The following PPARD variants were observed in gnomAD, a reference collection of about 807,000 sequenced individuals.
PPARD encodes peroxisome proliferator-activated receptor delta.
In PPARD, 6 loss-of-function variants were observed where a neutral mutation model predicts 39.5. That is an observed-to-expected ratio of 0.15 (90% confidence interval 0.08 to 0.30). The LOEUF (loss-of-function observed/expected upper bound fraction) is 0.30, where lower values mean the gene tolerates loss of function less well. Ranked by LOEUF, PPARD falls within the 10% of genes least tolerant of loss-of-function variation. The pLI is 1.00. For synonymous variants in PPARD, 210 were observed against 231.3 expected, an observed-to-expected ratio of 0.91 and a Z score of 0.83; for missense variants, 397 against 596.8, an observed-to-expected ratio of 0.67 and a Z score of 3.49.
intron 2 of PPARD, among the ~76,000 whole-genome samples, chr6:35,396,488 G>A (rs1764324805): frequency 1.4e-5 from 2 of 146,124 alleles, no homozygotes; most frequent in African/African-American, 5.1e-5. Flanking sequence ...ACAGGCGTGA[G>A]CCACCGCGCC....
At chr6:35,391,963 T>C (rs542912648) in intron 2 of PPARD, among the ~76,000 whole-genome samples, 1 of 152,150 alleles carries the variant, frequency 6.6e-6, no homozygotes, top group South Asian at 2.1e-4. Context: ...CTGGTTGTTA[T>C]GATTGTGGCA....
chr6:35,343,576 A>G (rs1791989244), intron 1 of PPARD, among the ~76,000 whole-genome samples: 1 of 152,222 alleles, frequency 6.6e-6, no homozygotes, highest in Non-Finnish European at 1.5e-5. Flanking sequence ...TAAGAGGCTG[A>G]TTGACTAAAG....
At position 35,425,817 on chromosome 6, in the gene PPARD, C is replaced by T. The variant is rs781269185; in HGVS notation, c.1079-15C>T. The T allele has an allele frequency of 1.2e-6, 2 of 1,613,070 alleles. No individual in the cohort carries two copies. Among genetic ancestry groups the T allele is most frequent in the Admixed American group, 3.3e-5 (2 of 60,008 alleles). On this transcript the variant is annotated splice_polypyrimidine_tract_variant and intron_variant, in intron 7 of 7. Coordinates refer to ENST00000360694, the MANE Select transcript of PPARD (RefSeq NM_006238.5). This position sits in a 1 kb window ranked among gnomAD's most constrained non-coding sequence, Gnocchi z 4.5. ...TGCCTTTCTGAGCTCCCTGGCGTGC[C>T]CTGTGTCCCCACAGACCGGCCAGGC...
intron 2 of PPARD, among the ~76,000 whole-genome samples, chr6:35,394,774 G>A (rs897519608): frequency 2.9e-4 from 40 of 138,298 alleles, no homozygotes; most frequent in Middle Eastern, 3.7e-3. Context: ...CTGTCTCCCC[G>A]CCCCCCCCAC....
At position 35,412,545 on chromosome 6, in the gene PPARD, C is replaced by T. The variant is rs1044492858; in HGVS notation, c.130+1328C>T. On this transcript the variant is annotated intron_variant, in intron 3 of 7. Transcript: ENST00000360694. The surrounding 1 kb of genome is among the most constrained non-coding windows in gnomAD (Gnocchi z 4.1). ...GAAGGCTGTGGAGGTAGCGCAGGCTCCTGTTTGGGTCTGCAGCTAAGATGG... is the reference window on the plus strand; with the variant it reads ...GAAGGCTGTGGAGGTAGCGCAGGCTTCTGTTTGGGTCTGCAGCTAAGATGG... 2.6e-5 allele frequency among the ~76,000 whole-genome samples: 4 copies of T among 152,204 alleles called. No homozygotes were observed. Among genetic ancestry groups the T allele is most frequent in the African/African-American group, 4.8e-5 (2 of 41,440 alleles).
chr6:35,406,146 G>A (rs1765035739), intron 2 of PPARD, among the ~76,000 whole-genome samples: 1 of 152,080 alleles, frequency 6.6e-6, no homozygotes, highest in Non-Finnish European at 1.5e-5. Flanking sequence ...GGCTGGTCTC[G>A]AACTCCTAGC....
chr6:35,392,915 G>A lies in PPARD; in HGVS notation c.-101-18072G>A, dbSNP rs192031888. 2.7e-3 allele frequency among the ~76,000 whole-genome samples: 414 copies of A among 152,288 alleles called. 2 individuals carry two copies. The highest frequency in any genetic ancestry group is 9.5e-3 in the African/African-American group (393 of 41,538). Reference sequence around the variant, plus strand: ...TACCCTGGTGTCCTTCCCCAGAGCAGTTGTTTTGGGAAAAACTGGCTCCGG... The same window carrying A: ...TACCCTGGTGTCCTTCCCCAGAGCAATTGTTTTGGGAAAAACTGGCTCCGG... On this transcript the variant is annotated intron_variant, in intron 2 of 7. Coordinates refer to ENST00000360694, the MANE Select transcript of PPARD (RefSeq NM_006238.5).
chr6:35,397,927 A>G (rs983457490), intron 2 of PPARD, among the ~76,000 whole-genome samples: 4 of 152,142 alleles, frequency 2.6e-5, no homozygotes, highest in Non-Finnish European at 5.9e-5. Flanking sequence ...GAGGTGGGTA[A>G]CTGGGGAGGG....
chr6:35,406,893 T>C (rs1765089481), intron 2 of PPARD, among the ~76,000 whole-genome samples: 1 of 152,238 alleles, frequency 6.6e-6, no homozygotes, highest in African/African-American at 2.4e-5. Context: ...AGTCCTGCTG[T>C]GTCCGAAGCT....
At chr6:35,409,801 G>A (rs1352096171) in intron 2 of PPARD, among the ~76,000 whole-genome samples, 1 of 152,130 alleles carries the variant, frequency 6.6e-6, no homozygotes, top group East Asian at 1.9e-4. Flanking sequence ...AACATGTTTT[G>A]TACAAACTTG....
At chr6:35,370,241 C>T (rs532460480) in intron 2 of PPARD, among the ~76,000 whole-genome samples, 12 of 152,264 alleles carry the variant, frequency 7.9e-5, no homozygotes, top group Admixed American at 2.0e-4. Context: ...TGTGTGGGAG[C>T]TCTAGCTGCC....
intron 2 of PPARD, among the ~76,000 whole-genome samples, chr6:35,380,506 TGAGACAAGGTC>T: frequency 9.1e-6 from 1 of 109,476 alleles, no homozygotes; most frequent in African/African-American, 3.8e-5. Flanking sequence ...TTTTTTTTTT[TGAGACAAGGTC>T]TTACTTTGTC....
At chr6:35,370,983 C>T (rs1392821448) in intron 2 of PPARD, among the ~76,000 whole-genome samples, 3 of 152,192 alleles carry the variant, frequency 2.0e-5, no homozygotes, top group Non-Finnish European at 2.9e-5. Context: ...GGGTTTCTTC[C>T]AGGCCTTCCC....
chr6:35,415,215 T>G (rs887211020), intron 3 of PPARD, among the ~76,000 whole-genome samples: 3 of 152,334 alleles, frequency 2.0e-5, no homozygotes, highest in Middle Eastern at 6.8e-3. Flanking sequence ...GCTGAGTGCC[T>G]GTCCCAAGGA....
intron 2 of PPARD, among the ~76,000 whole-genome samples, chr6:35,374,520 T>C (rs1490424966): frequency 6.6e-6 from 1 of 151,758 alleles, no homozygotes; most frequent in Admixed American, 6.6e-5. Context: ...TAGCCGGGCA[T>C]GGTGGCAGGC....
At chr6:35,404,692 G>T (rs1455566731) in intron 2 of PPARD, among the ~76,000 whole-genome samples, 1 of 152,216 alleles carries the variant, frequency 6.6e-6, no homozygotes, top group Non-Finnish European at 1.5e-5. Context: ...AGACGGGGAA[G>T]GGAGACAACT....
intron 2 of PPARD, among the ~76,000 whole-genome samples, chr6:35,358,208 A>G (rs115780357): frequency 0.011 from 1,695 of 152,280 alleles, 40 homozygotes; most frequent in African/African-American, 0.038. Flanking sequence ...CAATGTGACT[A>G]CTGCAGCAAG....
At position 35,421,849 on chromosome 6, in the gene PPARD, G is replaced by A; in HGVS notation, c.315G>A (p.Lys105=). The part of the protein sequence containing the change: ...KGFFRRTIRM[K]LEYEKCERSC... ...TCTTCCGTCGTACGATCCGCATGAA[G>A]CTGGAGTACGAGAAGTGTGAGCGCA... The change falls in exon 5 of 8, where the codon AAG becomes AAA. Residue 105 remains lysine, a synonymous_variant. Transcript: ENST00000360694. 1 of 1,613,902 alleles carries A rather than the reference G, an allele frequency of 6.2e-7. No individual in the cohort carries two copies. Among genetic ancestry groups the A allele is most frequent in the African/African-American group, 1.3e-5 (1 of 75,036 alleles).
intron 2 of PPARD, chr6:35,397,434 T>C (rs1260643853): frequency 1.0e-5 from 7 of 673,554 alleles, no homozygotes; most frequent in Non-Finnish European, 1.3e-5. Flanking sequence ...CTCAGGCTTC[T>C]AGATTCGCTC....
Sources: allele counts gnomAD v4.1 joint callset (sites outside exome capture counted in the v4.1 genomes callset), GRCh38; gene constraint gnomAD v4.1.1; non-coding constraint Gnocchi (gnomAD v3.1); transcripts MANE v1.5; gene names NCBI Gene and HGNC (gene_info 2026-07-23, HGNC 2026-07-21).